The following CCSER1 variants were observed in gnomAD, a reference collection of about 807,000 sequenced individuals.
The protein encoded by CCSER1 is coiled-coil serine rich protein 1.
A neutral mutation model predicts 82.0 loss-of-function variants in CCSER1; 41 were observed. The ratio of observed to expected loss-of-function variants is 0.50; its 90% CI spans 0.39 to 0.65. The LOEUF is 0.65. Among genes scored for constraint, CCSER1 ranks in the 30% least tolerant of loss-of-function variants. The pLI is 0.00. For synonymous variants in CCSER1, 414 were observed against 383.9 expected, an observed-to-expected ratio of 1.08 and a Z score of -0.92; for missense variants, 1,119 against 1,064.2, an observed-to-expected ratio of 1.05 and a Z score of -0.72.
chr4:90,631,885 A>G (rs1409876187), intron 6 of CCSER1, among the ~76,000 whole-genome samples: 6 of 152,350 alleles, frequency 3.9e-5, no homozygotes, highest in Middle Eastern at 3.4e-3. Flanking sequence ...GGCTATGTCT[A>G]TAAAGTATAT....
At chr4:90,177,430 C>A (rs1732915168) in intron 1 of CCSER1, among the ~76,000 whole-genome samples, 1 of 152,102 alleles carries the variant, frequency 6.6e-6, no homozygotes, top group Non-Finnish European at 1.5e-5. Flanking sequence ...TCTGCTTCAT[C>A]TTCAGGTCTC....
chr4:91,461,779 T>C (rs1281418542), intron 10 of CCSER1, among the ~76,000 whole-genome samples: 1 of 152,184 alleles, frequency 6.6e-6, no homozygotes, highest in Non-Finnish European at 1.5e-5. Context: ...CAAAAGGGTA[T>C]CTCTCAGTAA....
At chr4:90,525,482 A>T (rs189113730) in intron 5 of CCSER1, among the ~76,000 whole-genome samples, 7 of 152,278 alleles carry the variant, frequency 4.6e-5, no homozygotes, top group African/African-American at 1.7e-4. Flanking sequence ...ATAAAAACTC[A>T]AAAGGAAAAT....
intron 7 of CCSER1, among the ~76,000 whole-genome samples, chr4:90,766,649 A>T (rs1231804606): frequency 6.6e-6 from 1 of 152,042 alleles, no homozygotes; most frequent in Non-Finnish European, 1.5e-5. Flanking sequence ...AAATAAAAAA[A>T]TATATATATA....
chr4:90,413,981 A>AATAAATATATATATATATATATAT (rs1755396782), intron 4 of CCSER1, among the ~76,000 whole-genome samples: 1 of 52,452 alleles, frequency 1.9e-5, no homozygotes, highest in Non-Finnish European at 3.0e-5. Flanking sequence ...AAAAAAAAAA[A>AATAAATATATATATATATATATAT]ATATATATAT....
intron 10 of CCSER1, among the ~76,000 whole-genome samples, chr4:91,155,598 C>T (rs1581665101): frequency 6.6e-6 from 1 of 152,034 alleles, no homozygotes; most frequent in East Asian, 1.9e-4. Flanking sequence ...TCATTTTCAT[C>T]TAATGATTCT....
intron 6 of CCSER1, among the ~76,000 whole-genome samples, chr4:90,709,038 G>A (rs1451847040): frequency 6.6e-6 from 1 of 151,954 alleles, no homozygotes; most frequent in African/African-American, 2.4e-5. Flanking sequence ...TCTGTCTTAA[G>A]AATGTCATCA....
intron 9 of CCSER1, among the ~76,000 whole-genome samples, chr4:91,084,341 C>G (rs1189561343): frequency 6.6e-6 from 1 of 152,108 alleles, no homozygotes; most frequent in Non-Finnish European, 1.5e-5. Context: ...GTGCCTGGCC[C>G]TTTGCTAAAT....
chr4:90,641,758 A>G (rs1406524976), intron 6 of CCSER1, among the ~76,000 whole-genome samples: 1 of 152,196 alleles, frequency 6.6e-6, no homozygotes, highest in Non-Finnish European at 1.5e-5. Context: ...TACTTATATT[A>G]TCTGCTAGTC....
chr4:91,462,343 A>T (rs187949008), intron 10 of CCSER1, among the ~76,000 whole-genome samples: 1 of 152,162 alleles, frequency 6.6e-6, no homozygotes, highest in Non-Finnish European at 1.5e-5. Context: ...TTTTTGATAA[A>T]TATTTCTGTG....
intron 4 of CCSER1, among the ~76,000 whole-genome samples, chr4:90,432,931 C>T (rs1560509862): frequency 6.6e-6 from 1 of 152,056 alleles, no homozygotes; most frequent in Non-Finnish European, 1.5e-5. Context: ...AGGTACCTCC[C>T]ATCTCCACGT....
intron 5 of CCSER1, among the ~76,000 whole-genome samples, chr4:90,610,727 CACAT>C (rs1785355813): frequency 6.6e-6 from 1 of 152,156 alleles, no homozygotes; most frequent in Non-Finnish European, 1.5e-5. Flanking sequence ...AAAAGCTACA[CACAT>C]AACAATGAAG....
chr4:90,514,632 G>A (rs368981785), intron 5 of CCSER1, among the ~76,000 whole-genome samples: 4 of 151,796 alleles, frequency 2.6e-5, no homozygotes, highest in African/African-American at 9.7e-5. Flanking sequence ...GGCAGGTGCC[G>A]GTAATCTCTG....
intron 10 of CCSER1, among the ~76,000 whole-genome samples, chr4:91,251,784 T>C (rs748865391): frequency 9.2e-5 from 14 of 152,138 alleles, no homozygotes; most frequent in Non-Finnish European, 1.3e-4. Flanking sequence ...ATATGCCACA[T>C]AATAATATGT....
At chr4:91,055,749 TC>T (rs1039458637) in intron 9 of CCSER1, among the ~76,000 whole-genome samples, 1 of 138,082 alleles carries the variant, frequency 7.2e-6, no homozygotes, top group African/African-American at 2.7e-5. Context: ...TCTGCCCCTC[TC>T]CCCCTCTCCC....
intron 6 of CCSER1, among the ~76,000 whole-genome samples, chr4:90,660,289 T>C (rs550728134): frequency 6.6e-6 from 1 of 152,152 alleles, no homozygotes; most frequent in African/African-American, 2.4e-5. Flanking sequence ...TAAGTGTCCA[T>C]CGTCGATGGA....
At chr4:91,369,661 C>CTTTTTTTTTTTTTTTTTTT (rs573494038) in intron 10 of CCSER1, among the ~76,000 whole-genome samples, 1 of 73,418 alleles carries the variant, frequency 1.4e-5, no homozygotes, top group African/African-American at 5.7e-5. Context: ...TAATCTGTAG[C>CTTTTTTTTTTTTTTTTTTT]TTTTTTTTTT....
chr4:91,091,699 GC>G (rs963874425), intron 10 of CCSER1, among the ~76,000 whole-genome samples: 3 of 152,170 alleles, frequency 2.0e-5, no homozygotes, highest in African/African-American at 7.2e-5. Context: ...GTGGCTGCGG[GC>G]TTTATGTGGC....
intron 5 of CCSER1, among the ~76,000 whole-genome samples, chr4:90,593,892 C>T (rs993973258): frequency 3.3e-5 from 5 of 151,922 alleles, no homozygotes; most frequent in African/African-American, 4.8e-5. Flanking sequence ...ACCTTGCACA[C>T]TAATATATTC....
Sources: allele counts gnomAD v4.1 joint callset (sites outside exome capture counted in the v4.1 genomes callset), GRCh38; gene constraint gnomAD v4.1.1; transcripts MANE v1.5; gene names NCBI Gene and HGNC (gene_info 2026-07-23, HGNC 2026-07-21).